Variants in ZNF536 observed in about 807,000 individuals in gnomAD.
ZNF536 encodes zinc finger protein 536.
A neutral mutation model predicts 84.5 loss-of-function variants in ZNF536; 13 were observed. That is an observed-to-expected ratio of 0.15 (90% CI 0.10 to 0.24). ZNF536 has a LOEUF of 0.24. Among genes scored for constraint, ZNF536 ranks in the 10% least tolerant of loss-of-function variants. The pLI, the probability that ZNF536 is intolerant of heterozygous loss-of-function variation, is 1.00. For synonymous variants in ZNF536, 811 were observed against 742.5 expected, an observed-to-expected ratio of 1.09 and a Z score of -1.50; for missense variants, 1,536 against 1,747.5, an observed-to-expected ratio of 0.88 and a Z score of 2.16.
At chr19:30,282,413 C>T (rs1364338899) in intron 1 of ZNF536, among the ~76,000 whole-genome samples, 2 of 152,066 alleles carry the variant, frequency 1.3e-5, no homozygotes, top group African/African-American at 4.8e-5. Context: ...CCGGTGCCAA[C>T]TGCAGGAGAC....
intron 2 of ZNF536, among the ~76,000 whole-genome samples, chr19:30,482,546 CT>C (rs5827717): frequency 1.3e-4 from 19 of 149,798 alleles, no homozygotes; most frequent in East Asian, 1.2e-3. Context: ...AAGATTCTTG[CT>C]TTTTTTTTTC....
chr19:30,454,803 C>T (rs763622119), intron 2 of ZNF536, among the ~76,000 whole-genome samples: 9 of 152,110 alleles, frequency 5.9e-5, no homozygotes, highest in South Asian at 2.1e-4. Context: ...GAGGCCGAGG[C>T]AGGTGGATCA....
At chr19:30,613,444 C>T (rs1178619742) in intron 1 of ZNF536, among the ~76,000 whole-genome samples, 13 of 152,142 alleles carry the variant, frequency 8.5e-5, no homozygotes, top group Admixed American at 8.5e-4. Context: ...AAAAGCTGTT[C>T]TTTCTCTCCT....
At chr19:30,602,639 G>A (rs2047730421) in intron 1 of ZNF536, among the ~76,000 whole-genome samples, 1 of 152,152 alleles carries the variant, frequency 6.6e-6, no homozygotes, top group African/African-American at 2.4e-5. Flanking sequence ...CATCTTGCTG[G>A]AATTTTGGGG....
chr19:30,706,919 A>G (rs1387183260), intron 1 of ZNF536, among the ~76,000 whole-genome samples: 1 of 152,108 alleles, frequency 6.6e-6, no homozygotes, highest in Non-Finnish European at 1.5e-5. Flanking sequence ...GCCTCGAAAC[A>G]TTTCTCAGGT....
chr19:30,666,798 T>C (rs1282179330), intron 1 of ZNF536, among the ~76,000 whole-genome samples: 1 of 150,780 alleles, frequency 6.6e-6, no homozygotes, highest in Non-Finnish European at 1.5e-5. Context: ...AATATATATG[T>C]AAAATATATG....
chr19:30,451,997 A>G (rs1432908769), intron 2 of ZNF536, among the ~76,000 whole-genome samples: 1 of 152,240 alleles, frequency 6.6e-6, no homozygotes, highest in Non-Finnish European at 1.5e-5. Context: ...ATTGACTCGA[A>G]TGGGAGGTTC....
Position 30,445,183 on chromosome 19 carries a change from G to A in ZNF536, c.1621G>A (p.Glu541Lys), listed in dbSNP as rs2148214404. ...CATGGAACATGGCTTCTTGTCTAAAGAGCATCCGCTGCAGCGCAACCACGA... is the reference window on the plus strand; with the variant it reads ...CATGGAACATGGCTTCTTGTCTAAAAAGCATCCGCTGCAGCGCAACCACGA... ...MAMEHGFLSK[E>K]HPLQRNHEDT... Residue 541 changes from glutamate to lysine, a missense_variant, in exon 2 of 5, where the codon GAG becomes AAG. By Grantham distance (56) the Glu-to-Lys change is moderately conservative. Around this residue, in one of 8 missense-constraint regions of ZNF536, gnomAD observed 366 missense variants for 364.4 expected, o/e 1.00. Transcript: ENST00000355537. This position sits in a 1 kb window ranked among gnomAD's most constrained non-coding sequence, Gnocchi z 4.5. 2 of 1,614,204 alleles carry A rather than the reference G, an allele frequency of 1.2e-6. No individual in the cohort carries two copies. The highest frequency in any genetic ancestry group is 1.7e-6 in the Non-Finnish European group (2 of 1,180,048).
intron 2 of ZNF536, among the ~76,000 whole-genome samples, chr19:30,515,216 C>G (rs531687404): frequency 2.6e-5 from 4 of 152,126 alleles, no homozygotes; most frequent in African/African-American, 4.8e-5. Context: ...GAGTTATGAT[C>G]GTACCACTGC....
At chr19:30,326,408 G>T (rs1035482780) in intron 2 of ZNF536, among the ~76,000 whole-genome samples, 4 of 152,210 alleles carry the variant, frequency 2.6e-5, no homozygotes, top group African/African-American at 9.7e-5. Context: ...GGGGCTGAGT[G>T]TCCTGTCGAA....
intron 2 of ZNF536, among the ~76,000 whole-genome samples, chr19:30,306,234 G>A (rs2046340661): frequency 6.8e-6 from 1 of 147,536 alleles, no homozygotes; most frequent in Non-Finnish European, 1.5e-5. Flanking sequence ...GTTTACACTG[G>A]TCAGACTTCA....
At chr19:30,243,034 C>T (rs1326671209) in intron 1 of ZNF536, among the ~76,000 whole-genome samples, 1 of 151,976 alleles carries the variant, frequency 6.6e-6, no homozygotes, top group Non-Finnish European at 1.5e-5. Context: ...ATGTAAATGA[C>T]TCAATAGAAA....
At chr19:30,603,182 A>G (rs919615331) in intron 1 of ZNF536, among the ~76,000 whole-genome samples, 6 of 152,222 alleles carry the variant, frequency 3.9e-5, no homozygotes, top group African/African-American at 9.6e-5. Context: ...CCTCAGGAGT[A>G]TAAGAACTGT....
At chr19:30,353,950 TA>T (rs1176338146) in intron 3 of ZNF536, among the ~76,000 whole-genome samples, 1 of 152,046 alleles carries the variant, frequency 6.6e-6, no homozygotes, top group African/African-American at 2.4e-5. Context: ...GGGCAGTGAG[TA>T]CATCAGTTTG....
chr19:30,484,927 A>G (rs1451242952), intron 2 of ZNF536, among the ~76,000 whole-genome samples: 1 of 151,932 alleles, frequency 6.6e-6, no homozygotes, highest in African/African-American at 2.4e-5. Flanking sequence ...GTGGATCACC[A>G]GGTCAGGAAA....
chr19:30,448,578 C>A (rs984593039), intron 2 of ZNF536, among the ~76,000 whole-genome samples: 1 of 152,184 alleles, frequency 6.6e-6, no homozygotes. Context: ...ACTTAATTTG[C>A]ATCACTTGAT....
At chr19:30,560,171 C>T (rs2046111090), downstream of ZNF536, among the ~76,000 whole-genome samples, 1 of 152,086 alleles carries the variant, frequency 6.6e-6, no homozygotes, top group African/African-American at 2.4e-5. Flanking sequence ...AATGAGCCAA[C>T]TTCATTTTAC....
chr19:30,362,321 C>T (rs1177888282), intron 3 of ZNF536, among the ~76,000 whole-genome samples: 1 of 152,134 alleles, frequency 6.6e-6, no homozygotes, highest in Non-Finnish European at 1.5e-5. Context: ...AAGATGAGAG[C>T]CGCATCTCAA....
chr19:30,336,702 G>A (rs57791235), intron 2 of ZNF536, among the ~76,000 whole-genome samples: 1,832 of 152,294 alleles, frequency 0.012, 41 homozygotes, highest in African/African-American at 0.042. Flanking sequence ...TGCCTGGAAA[G>A]CATTGGAGAA....
Sources: allele counts gnomAD v4.1 joint callset (sites outside exome capture counted in the v4.1 genomes callset), GRCh38; gene constraint gnomAD v4.1.1; regional missense constraint gnomAD v4.1.1; non-coding constraint Gnocchi (gnomAD v3.1); transcripts MANE v1.5; gene names NCBI Gene and HGNC (gene_info 2026-07-23, HGNC 2026-07-21).